CLIP2: variants seen among roughly 807,000 people sequenced by gnomAD.
The protein encoded by CLIP2 is CAP-Gly domain-containing linker protein 2.
Under a neutral mutation model 111.7 loss-of-function variants are expected in CLIP2, and 41 were observed. That is an observed-to-expected ratio of 0.37 (90% CI 0.29 to 0.48). The LOEUF (loss-of-function observed/expected upper bound fraction) is 0.48. CLIP2 is among the 20% of genes least tolerant of loss of function. The pLI, the probability that CLIP2 is intolerant of heterozygous loss-of-function variation, is 0.99. For synonymous variants in CLIP2, 660 were observed against 644.2 expected, an observed-to-expected ratio of 1.02 and a Z score of -0.37; for missense variants, 1,160 against 1,422.1, an observed-to-expected ratio of 0.82 and a Z score of 2.96.
At chr7:74,359,519 A>G (rs1002691434) in intron 6 of CLIP2, among the ~76,000 whole-genome samples, 1 of 150,432 alleles carries the variant, frequency 6.6e-6, no homozygotes, top group African/African-American at 2.4e-5. Context: ...ACGCCCAGCT[A>G]ATGTTTTTTG....
intron 8 of CLIP2, among the ~76,000 whole-genome samples, chr7:74,372,517 G>C (rs990454533): frequency 6.6e-6 from 1 of 151,842 alleles, no homozygotes; most frequent in African/African-American, 2.4e-5. Flanking sequence ...GCAGGGGAAC[G>C]GGAACAGGAT....
chr7:74,317,856 T>G (rs1332380455), intron 2 of CLIP2, among the ~76,000 whole-genome samples, 189 bp downstream of exon 2: 2 of 152,080 alleles, frequency 1.3e-5, no homozygotes, highest in Non-Finnish European at 2.9e-5. Flanking sequence ...GGAGGGGACA[T>G]GGGCGCTGAG....
intron 1 of CLIP2, among the ~76,000 whole-genome samples, chr7:74,303,594 A>ATTTT (rs782240875): frequency 9.5e-6 from 1 of 105,622 alleles, no homozygotes; most frequent in Admixed American, 9.5e-5. Context: ...TGTGTCTCTT[A>ATTTT]TTTTTTTTTT....
At chr7:74,313,194 T>TGGC (rs1554728735) in intron 1 of CLIP2, among the ~76,000 whole-genome samples, 1 of 151,712 alleles carries the variant, frequency 6.6e-6, no homozygotes, top group African/African-American at 2.4e-5. Context: ...ATGGTGGTGG[T>TGGC]GGCATGCACC....
At chr7:74,358,576 T>TA (rs1393399587) in intron 6 of CLIP2, among the ~76,000 whole-genome samples, 2 of 151,922 alleles carry the variant, frequency 1.3e-5, no homozygotes, top group South Asian at 2.1e-4. Context: ...TTCTTTTTTT[T>TA]TTTTATTTTA....
chr7:74,346,907 C>T (rs1300093960), intron 3 of CLIP2, among the ~76,000 whole-genome samples: 8 of 151,824 alleles, frequency 5.3e-5, no homozygotes, highest in African/African-American at 1.9e-4. Context: ...AGTGTGGTGT[C>T]GCATGCCTCC....
At position 74,311,876 on chromosome 7, in the gene CLIP2, C is replaced by T. The variant is rs534077054; in HGVS notation, c.-67-5604C>T. Among the ~76,000 whole-genome samples the T allele has an allele frequency of 1.1e-4, 16 of 149,770 alleles. No homozygotes were observed. In the East Asian group the frequency reaches 1.8e-3, roughly 16 times the overall value. ...GCAGTGAGCTATGATCGTGTCACTG[C>T]ACTCCAGCCTGGGCGATAGAGCAAG... is the stretch of plus-strand genomic sequence containing the variant. On this transcript the variant is annotated intron_variant, in intron 1 of 16. Coordinates refer to ENST00000223398, the MANE Select transcript of CLIP2 (RefSeq NM_003388.5).
intron 3 of CLIP2, among the ~76,000 whole-genome samples, chr7:74,351,426 CAAAA>C (rs55952428): frequency 6.1e-5 from 4 of 65,930 alleles, no homozygotes; most frequent in Admixed American, 1.7e-4. Flanking sequence ...ATTCCAGTGT[CAAAA>C]AAAAAAAAAA....
intron 1 of CLIP2, among the ~76,000 whole-genome samples, chr7:74,313,613 C>G (rs534426813): frequency 6.6e-5 from 10 of 151,954 alleles, no homozygotes; most frequent in African/African-American, 2.2e-4. Flanking sequence ...TCAGCTGGAT[C>G]TAGGCCCTCC....
intron 1 of CLIP2, among the ~76,000 whole-genome samples, chr7:74,303,034 T>C (rs1201369481): frequency 2.0e-5 from 3 of 151,996 alleles, no homozygotes; most frequent in African/African-American, 7.3e-5. Context: ...CAAGTATGGG[T>C]GGAGACAGCA....
intron 8 of CLIP2, among the ~76,000 whole-genome samples, chr7:74,369,732 C>T (rs1359353429): frequency 5.3e-5 from 7 of 132,824 alleles, no homozygotes; most frequent in African/African-American, 2.0e-4. Context: ...TGGTGCTTGC[C>T]TGTAATTCCA....
intron 14 of CLIP2, 94 bp from the exon 15 acceptor site, chr7:74,400,276 A>AG: frequency 8.9e-7 from 1 of 1,126,658 alleles, no homozygotes; most frequent in Non-Finnish European, 1.3e-6. Flanking sequence ...CCAGAGACAA[A>AG]GTGAGGCTGG....
At chr7:74,357,888 C>G (rs1267627265) in intron 6 of CLIP2, among the ~76,000 whole-genome samples, 1 of 140,872 alleles carries the variant, frequency 7.1e-6, no homozygotes, top group Non-Finnish European at 1.5e-5. Context: ...TCTTGAGTAA[C>G]TGGGATTACA....
At chr7:74,348,119 G>A (rs1264913449) in intron 3 of CLIP2, among the ~76,000 whole-genome samples, 1 of 151,840 alleles carries the variant, frequency 6.6e-6, no homozygotes, top group African/African-American at 2.4e-5. Flanking sequence ...ACAGTGAGCC[G>A]AGATCATGCC....
rs782701544 is a variant in CLIP2 at position 74,317,580 on chromosome 7, C to T, written c.34C>T (p.Arg12Cys). Residue 12 changes from arginine (R) to cysteine (C), a missense_variant, in exon 2 of 17, where the codon CGT becomes TGT. Coordinates refer to ENST00000223398, the MANE Select transcript of CLIP2 (RefSeq NM_003388.5). Reference sequence around the variant, plus strand: ...GCCCAGCGGCCTGAAGCCCCCCGGCCGTGGGGGGAAGCACTCCAGCCCCAT... The same window carrying T: ...GCCCAGCGGCCTGAAGCCCCCCGGCTGTGGGGGGAAGCACTCCAGCCCCAT... ...QKPSGLKPPGRGGKHSSPMGR... is the reference protein window; with the variant it reads ...QKPSGLKPPGCGGKHSSPMGR... 7 of 1,493,174 alleles carry T rather than the reference C, an allele frequency of 4.7e-6. No homozygotes were observed. Among genetic ancestry groups the T allele is most frequent in the Non-Finnish European group, 6.3e-6 (7 of 1,114,808 alleles). The allele number at this position is 1,493,174 out of a possible 1,614,324, so 92.5% of individuals were successfully genotyped here.
chr7:74,317,556 C>G lies in CLIP2; in HGVS notation c.10C>G (p.Pro4Ala), dbSNP rs567836869. Residue 4 changes from proline to alanine, a missense_variant, in exon 2 of 17, where the codon CCC becomes GCC. This residue lies in a region of CLIP2 where 301 missense variants were observed against 315.2 expected (regional missense o/e 0.96). Coordinates refer to ENST00000223398, the MANE Select transcript of CLIP2 (RefSeq NM_003388.5). MQK[P>A]SGLKPPGRGG... ...GCCCAGTGGCACCGCCATGCAGAAG[C>G]CCAGCGGCCTGAAGCCCCCCGGCCG... The G allele has an allele frequency of 1.4e-5, 20 of 1,446,508 alleles. No homozygotes were observed. The highest frequency in any genetic ancestry group is 2.5e-5 in the Admixed American group (1 of 40,264). The allele number at this position is 1,446,508 out of a possible 1,614,324, so 89.6% of individuals were successfully genotyped here. A position where few individuals can be genotyped will look rare whatever the true frequency, so the allele number is the denominator to read the frequency against.
chr7:74,303,124 C>T (rs544481681), intron 1 of CLIP2, among the ~76,000 whole-genome samples: 14 of 152,282 alleles, frequency 9.2e-5, no homozygotes, highest in East Asian at 3.9e-4. Context: ...CTTCAGGTTC[C>T]GCCTCAGAGC....
intron 3 of CLIP2, among the ~76,000 whole-genome samples, chr7:74,349,348 T>G (rs1405550371): frequency 6.7e-6 from 1 of 149,532 alleles, no homozygotes; most frequent in Non-Finnish European, 1.5e-5. Flanking sequence ...GGAGAATCAC[T>G]TGAACCCAGG....
intron 13 of CLIP2, among the ~76,000 whole-genome samples, chr7:74,390,169 G>GA (rs1161098825): frequency 3.8e-5 from 1 of 26,250 alleles, no homozygotes; most frequent in Non-Finnish European, 1.2e-4. Context: ...AAAGAAGAAA[G>GA]AAAGAAAGAA....
Sources: gnomAD v4.1 joint callset for allele counts (sites outside exome capture counted in the v4.1 genomes callset) on GRCh38, gnomAD v4.1.1 for gene constraint, gnomAD v4.1.1 regional missense constraint, MANE v1.5 for transcripts, NCBI Gene and HGNC (gene_info 2026-07-23, HGNC 2026-07-21) for gene names.